MAGI3: variants seen among roughly 807,000 people sequenced by gnomAD.
The protein encoded by MAGI3 is membrane associated guanylate kinase, WW and PDZ domain containing 3, also known as membrane-associated guanylate kinase, WW and PDZ domain-containing protein 3.
A neutral mutation model predicts 121.8 loss-of-function variants in MAGI3; 43 were observed. The observed-to-expected ratio is 0.35, with a 90% CI of 0.28 to 0.46. MAGI3 has a LOEUF of 0.46. Among genes scored for constraint, MAGI3 ranks in the 20% least tolerant of loss-of-function variants. The pLI is 1.00. For synonymous variants in MAGI3, 553 were observed against 639.3 expected (o/e 0.86, Z 2.04); for missense variants, 1,547 against 1,797.3 (o/e 0.86, Z 2.52).
At chr1:113,602,806 G>T (rs911793644) in intron 6 of MAGI3, among the ~76,000 whole-genome samples, 1 of 152,004 alleles carries the variant, frequency 6.6e-6, no homozygotes, top group African/African-American at 2.4e-5. Flanking sequence ...CCCACCTGTG[G>T]TCCCAGCTGC....
intron 1 of MAGI3, among the ~76,000 whole-genome samples, chr1:113,506,415 C>CTT (rs1230551360): frequency 2.4e-4 from 34 of 142,916 alleles, no homozygotes; most frequent in South Asian, 1.4e-3. Context: ...CCTCATATCC[C>CTT]TTTTTTTTTT....
At chr1:113,442,767 C>T (rs1653982801) in intron 1 of MAGI3, among the ~76,000 whole-genome samples, 1 of 152,022 alleles carries the variant, frequency 6.6e-6, no homozygotes, top group Admixed American at 6.6e-5. Context: ...CTGTAACTGG[C>T]TCCATAGCCT....
intron 1 of MAGI3, among the ~76,000 whole-genome samples, chr1:113,442,114 G>A (rs1653949000): frequency 2.0e-5 from 3 of 152,096 alleles, no homozygotes; most frequent in Admixed American, 1.3e-4. Flanking sequence ...TAGTCATTCA[G>A]AAGCCACTTA....
chr1:113,610,957 T>A (rs987660659), intron 6 of MAGI3, among the ~76,000 whole-genome samples: 18 of 151,620 alleles, frequency 1.2e-4, no homozygotes, highest in Admixed American at 9.9e-4. Context: ...AATAAAAACC[T>A]GCCATTTCTT....
intron 6 of MAGI3, among the ~76,000 whole-genome samples, chr1:113,595,577 T>C (rs377286527): frequency 6.6e-6 from 1 of 152,274 alleles, no homozygotes; most frequent in East Asian, 1.9e-4. Flanking sequence ...GATTATAATA[T>C]AATATTAAGA....
intron 16 of MAGI3, among the ~76,000 whole-genome samples, chr1:113,669,698 T>C (rs1647411727): frequency 6.6e-6 from 1 of 152,024 alleles, no homozygotes; most frequent in Non-Finnish European, 1.5e-5. Flanking sequence ...CCCAACTAAT[T>C]TTTGTATTTT....
At chr1:113,643,610 G>T in intron 10 of MAGI3, 133 bp from the exon 11 acceptor site, 2 of 759,824 alleles carry the variant, frequency 2.6e-6, no homozygotes, top group Non-Finnish European at 2.3e-6. Context: ...ATAATGCCTG[G>T]TACATAGGAG....
chr1:113,560,420 AAC>A, intron 2 of MAGI3, among the ~76,000 whole-genome samples: 1 of 151,866 alleles, frequency 6.6e-6, no homozygotes, highest in East Asian at 1.9e-4. Context: ...AAACCAAAAA[AAC>A]AATAAAACAA....
At chr1:113,450,095 C>T in intron 1 of MAGI3, 2 of 1,484,146 alleles carry the variant, frequency 1.3e-6, no homozygotes, top group Non-Finnish European at 1.9e-6. Context: ...AAATTGAAAC[C>T]ATAGAAGTTA....
chr1:113,505,453 T>C (rs1296859841), intron 1 of MAGI3, among the ~76,000 whole-genome samples: 1 of 151,294 alleles, frequency 6.6e-6, no homozygotes, highest in African/African-American at 2.4e-5. Flanking sequence ...ATCACCTGCT[T>C]TCTGGCAGGC....
chr1:113,639,525 C>CTAA (rs1186659659), intron 9 of MAGI3, among the ~76,000 whole-genome samples: 2 of 152,166 alleles, frequency 1.3e-5, no homozygotes, highest in Non-Finnish European at 2.9e-5. Flanking sequence ...CCTCAGCTTC[C>CTAA]TAAGTACCTG....
Position 113,672,653 on chromosome 1 carries a change from C to T in MAGI3, c.2957C>T (p.Thr986Ile). Reference protein sequence around the residue: ...LEGEIGKDVSTSYRHSWSDHK... With the variant: ...LEGEIGKDVSISYRHSWSDHK... ...GGTGAAATTGGAAAAGATGTCTCCA[C>T]TTCTTACAGACATTCTTGGTCAGAC... The change falls in exon 18 of 21, where the codon ACT becomes ATT. Residue 986 changes from threonine to isoleucine, a missense_variant. Coordinates refer to ENST00000307546, the MANE Select transcript of MAGI3 (RefSeq NM_001142782.2). 6.2e-7 allele frequency: 1 copy of T among 1,613,898 alleles called. No individual in the cohort carries two copies. Among genetic ancestry groups the T allele is most frequent in the Non-Finnish European group, 8.5e-7 (1 of 1,179,854 alleles).
Position 113,640,460 on chromosome 1 carries a change from G to A in MAGI3, c.1361-1451G>A, listed in dbSNP as rs528453021. Among the ~76,000 whole-genome samples, 3 of 152,240 alleles carry A rather than the reference G, an allele frequency of 2.0e-5. No homozygotes were observed. The South Asian group carries it at 6.2e-4, about 32-fold the overall frequency. ...GTTTATTGCAGCACTATTTACAATA[G>A]CAAAGACAGGAACCAACCCAAATGC... On this transcript the variant is annotated intron_variant, in intron 9 of 20. Transcript: ENST00000307546.
At position 113,684,026 on chromosome 1, in the gene MAGI3, A is replaced by AAAC. The variant is rs779263271; in HGVS notation, c.*15_*17dup. The AAAC allele has an allele frequency of 2.0e-5, 30 of 1,512,024 alleles. No homozygotes were observed. In the South Asian group the frequency reaches 2.7e-4, roughly 14 times the overall value. 93.7% of individuals were successfully genotyped at this position (1,512,024 alleles called of 1,614,324 possible). ...AGAAACGGCAGTAACCTTTAGTATAAAACAAAGAAAAACAAGTTGTAATCT... is the reference window on the plus strand; with the variant it reads ...AGAAACGGCAGTAACCTTTAGTATAAAACAACAAAGAAAAACAAGTTGTAATCT... On this transcript the variant is annotated 3_prime_UTR_variant, in exon 21 of 21. Transcript: ENST00000307546.
intron 1 of MAGI3, among the ~76,000 whole-genome samples, chr1:113,405,499 AAAAG>A (rs1651630076): frequency 6.7e-6 from 1 of 150,212 alleles, no homozygotes; most frequent in African/African-American, 2.4e-5. Context: ...AAAAAAAAAA[AAAAG>A]ACTGAAGGCT....
intron 1 of MAGI3, among the ~76,000 whole-genome samples, chr1:113,442,280 A>G (rs938051254): frequency 5.3e-5 from 8 of 152,206 alleles, no homozygotes; most frequent in Non-Finnish European, 8.8e-5. Context: ...CAGATGTTGT[A>G]TGACGGAAGT....
chr1:113,669,564 C>T (rs566738599), intron 16 of MAGI3, among the ~76,000 whole-genome samples: 2 of 152,170 alleles, frequency 1.3e-5, no homozygotes, highest in Non-Finnish European at 2.9e-5. Flanking sequence ...GAGTCTTGCT[C>T]TGTCGCCCAG....
chr1:113,588,050 T>G (rs115440229), intron 4 of MAGI3, among the ~76,000 whole-genome samples: 22 of 152,312 alleles, frequency 1.4e-4, no homozygotes, highest in Non-Finnish European at 2.6e-4. Context: ...CTATACCTTC[T>G]GGTGGGAGAG....
Position 113,585,366 on chromosome 1 carries a change from CT to C in MAGI3, c.554-20del, listed in dbSNP as rs771844300. 2 of 1,607,034 alleles carry C rather than the reference CT, an allele frequency of 1.2e-6. No homozygotes were observed. Among genetic ancestry groups the C allele is most frequent in the Admixed American group, 3.3e-5 (2 of 59,836 alleles). ...CTCACTGCAACATTAGTAATTTCAGCTGCTATTTTATTCACTTCAGGAAACT... is the reference window on the plus strand; with the variant it reads ...CTCACTGCAACATTAGTAATTTCAGCGCTATTTTATTCACTTCAGGAAACT... On this transcript the variant is annotated intron_variant, in intron 3 of 20. Coordinates refer to ENST00000307546, the MANE Select transcript of MAGI3 (RefSeq NM_001142782.2).
Sources: allele counts gnomAD v4.1 joint callset (sites outside exome capture counted in the v4.1 genomes callset), GRCh38; gene constraint gnomAD v4.1.1; transcripts MANE v1.5; gene names NCBI Gene and HGNC (gene_info 2026-07-23, HGNC 2026-07-21).